Variants in LEMD1 observed in about 807,000 individuals in gnomAD.
LEMD1 encodes the protein LEM domain containing 1.
In LEMD1, 18 loss-of-function variants were observed where a neutral mutation model predicts 17.4. That is an observed-to-expected ratio of 1.04 (90% CI 0.72 to 1.54). The LOEUF is 1.54. LEMD1 is among the 40% of genes most tolerant of loss of function. LEMD1 has a pLI of 0.00. For synonymous variants in LEMD1, 88 were observed against 77.8 expected, an observed-to-expected ratio of 1.13 and a Z score of -0.69; for missense variants, 195 against 210.4, an observed-to-expected ratio of 0.93 and a Z score of 0.45.
chr1:205,447,473 AACAG>A (rs1207694705), intron 1 of LEMD1, among the ~76,000 whole-genome samples: 1 of 151,992 alleles, frequency 6.6e-6, no homozygotes, highest in Admixed American at 6.6e-5. Context: ...TGGGGACTGG[AACAG>A]GGAGTAGGAG....
At chr1:205,432,133 G>C (rs1469069745) in intron 1 of LEMD1, among the ~76,000 whole-genome samples, 1 of 152,192 alleles carries the variant, frequency 6.6e-6, no homozygotes, top group Non-Finnish European at 1.5e-5. Context: ...CTGTCTCTTT[G>C]GAAGAAGGGT....
chr1:205,433,186 G>A (rs1227045437), intron 1 of LEMD1, among the ~76,000 whole-genome samples: 2 of 152,172 alleles, frequency 1.3e-5, no homozygotes, highest in African/African-American at 4.8e-5. Context: ...AAATTGGCCA[G>A]GCATGGTGGC....
At chr1:205,415,018 G>A (rs1235519967) in intron 4 of LEMD1, among the ~76,000 whole-genome samples, 1 of 152,154 alleles carries the variant, frequency 6.6e-6, no homozygotes, top group Non-Finnish European at 1.5e-5. Flanking sequence ...AGAGCTGCAG[G>A]GAGGGGGCAG....
At chr1:205,420,344 CTA>C in intron 2 of LEMD1, 109 bp downstream of exon 2, 2 of 804,308 alleles carry the variant, frequency 2.5e-6, no homozygotes, top group Non-Finnish European at 4.1e-6. Flanking sequence ...TCTGTTTTCT[CTA>C]TGTTCCTATT....
rs1035360099 is a variant in LEMD1 at position 205,441,509 on chromosome 1, C to T, written c.-39+8359G>A. On this transcript the variant is annotated intron_variant, in intron 1 of 3. Coordinates refer to the LEMD1 transcript ENST00000367154. The surrounding 1 kb of genome is among the most constrained non-coding windows in gnomAD (Gnocchi z 4.3). ...CTGCAGGTTGCACACACGACAGGCC[C>T]TCCTCCATCCAAATGCGGACCCCTT... is the stretch of plus-strand genomic sequence containing the variant. Among the ~76,000 whole-genome samples the T allele has an allele frequency of 2.0e-5, 3 of 152,200 alleles. No individual in the cohort carries two copies. The highest frequency in any genetic ancestry group is 4.4e-5 in the Non-Finnish European group (3 of 68,034).
intron 1 of LEMD1, among the ~76,000 whole-genome samples, chr1:205,438,590 A>G (rs1318598302): frequency 1.3e-5 from 2 of 152,222 alleles, no homozygotes; most frequent in African/African-American, 4.8e-5. Flanking sequence ...ACTGAGGGAC[A>G]ATAGAATGTG....
intron 4 of LEMD1, among the ~76,000 whole-genome samples, chr1:205,406,426 C>A (rs1478584655): frequency 6.6e-6 from 1 of 152,382 alleles, no homozygotes. Flanking sequence ...GCCCCTCCCC[C>A]AGCCTGGCTG....
chr1:205,399,753 C>A (rs1377932583), intron 4 of LEMD1, among the ~76,000 whole-genome samples: 3 of 152,174 alleles, frequency 2.0e-5, no homozygotes, highest in African/African-American at 4.8e-5. Flanking sequence ...GTGGATACAA[C>A]CCATTGGATG....
intron 1 of LEMD1, chr1:205,436,778 G>A (rs1321339818): frequency 1.3e-5 from 2 of 152,192 alleles, no homozygotes; most frequent in Non-Finnish European, 2.9e-5. Context: ...AGCCTGCAAG[G>A]AGCCCACTGA....
chr1:205,429,877 ATC>A (rs1256402435), intron 1 of LEMD1, among the ~76,000 whole-genome samples: 1 of 152,114 alleles, frequency 6.6e-6, no homozygotes, highest in African/African-American at 2.4e-5. Flanking sequence ...CATCCCCATC[ATC>A]TGTCACCCAG....
At chr1:205,411,187 A>AAAG (rs1665387205) in intron 4 of LEMD1, among the ~76,000 whole-genome samples, 1 of 144,640 alleles carries the variant, frequency 6.9e-6, no homozygotes, top group South Asian at 2.3e-4. Flanking sequence ...GGAAAGAAGG[A>AAAG]AAGGAAGGAA....
At chr1:205,439,523 G>A (rs1666259019) in intron 1 of LEMD1, among the ~76,000 whole-genome samples, 1 of 152,198 alleles carries the variant, frequency 6.6e-6, no homozygotes, top group African/African-American at 2.4e-5. Context: ...GGTTTTGGGC[G>A]AACCAGCCGA....
In LEMD1 at chr1:205,441,224, C is replaced by A. The variant is rs1380740159; in HGVS notation, c.-39+8644G>T. 6.6e-6 allele frequency among the ~76,000 whole-genome samples: 1 copy of A among 152,136 alleles called. No individual in the cohort carries two copies. The highest frequency in any genetic ancestry group is 1.5e-5 in the Non-Finnish European group (1 of 68,028). On this transcript the variant is annotated intron_variant, in intron 1 of 3. Transcript: ENST00000367154. This position sits in a 1 kb window ranked among gnomAD's most constrained non-coding sequence, Gnocchi z 4.3. ...CACACCGGCTGGGGGAGGAGTCAAG[C>A]CTCTAAACAACAGCTCTTTGAAACC...
At position 205,419,229 on chromosome 1, in the gene LEMD1, C is replaced by G; in HGVS notation, c.205+1G>C. The G allele has an allele frequency of 6.2e-7, 1 of 1,613,906 alleles. No homozygotes were observed. Among genetic ancestry groups the G allele is most frequent in the Non-Finnish European group, 8.5e-7 (1 of 1,179,912 alleles). Reference sequence around the variant, plus strand: ...TCTAGCAGTACAGCTTATGGCGGTACCTTCGCTGTCATCACTGTCCTGCGC... The same window carrying G: ...TCTAGCAGTACAGCTTATGGCGGTAGCTTCGCTGTCATCACTGTCCTGCGC... On this transcript the variant is annotated splice_donor_variant, in intron 3 of 5. Transcript: ENST00000367153. LOFTEE classifies it high-confidence loss of function.
intron 1 of LEMD1, among the ~76,000 whole-genome samples, chr1:205,449,549 A>G (rs1666458588): frequency 6.6e-6 from 1 of 152,140 alleles, no homozygotes; most frequent in Non-Finnish European, 1.5e-5. Flanking sequence ...TTCACTGGAC[A>G]GGAATCCTGC....
intron 4 of LEMD1, among the ~76,000 whole-genome samples, chr1:205,403,882 A>G (rs1264435626): frequency 6.6e-6 from 1 of 151,908 alleles, no homozygotes; most frequent in African/African-American, 2.4e-5. Flanking sequence ...AATGTGTCCC[A>G]GAGATTCTGG....
chr1:205,419,264 C>T lies in LEMD1; in HGVS notation c.171G>A (p.Glu57=). Residue 57 remains glutamate, a synonymous_variant, in exon 3 of 6, where the codon GAG becomes GAA. Transcript: ENST00000367153. ...CAPPVMNGPR[E]LDGAQDSDDS... The stretch of plus-strand genomic sequence containing the variant: ...CATCACTGTCCTGCGCTCCATCCAG[C>T]TCTCTGGGTCCATTCATCACAGGTG... 1 of 1,614,240 alleles carries T rather than the reference C, an allele frequency of 6.2e-7. No homozygotes were observed. The highest frequency in any genetic ancestry group is 8.5e-7 in the Non-Finnish European group (1 of 1,180,040).
intron 4 of LEMD1, among the ~76,000 whole-genome samples, chr1:205,411,937 G>A (rs1165774528): frequency 6.6e-6 from 1 of 152,170 alleles, no homozygotes; most frequent in Non-Finnish European, 1.5e-5. Flanking sequence ...GCTGCCCTCT[G>A]GTTGTTGGAT....
chr1:205,401,121 A>T (rs1450676791), intron 4 of LEMD1, among the ~76,000 whole-genome samples: 28 of 151,350 alleles, frequency 1.9e-4, no homozygotes, highest in African/African-American at 6.3e-4. Context: ...GTTGGTTCCA[A>T]GTCTTTGCTA....
Sources: gnomAD v4.1 joint callset for allele counts (sites outside exome capture counted in the v4.1 genomes callset) on GRCh38, gnomAD v4.1.1 for gene constraint, Gnocchi (gnomAD v3.1) non-coding constraint, MANE v1.5 for transcripts, NCBI Gene and HGNC (gene_info 2026-07-23, HGNC 2026-07-21) for gene names.